Variants in CREB5 observed in about 807,000 individuals in gnomAD.
CREB5 encodes the protein cAMP responsive element binding protein 5, also known as cyclic AMP-responsive element-binding protein 5.
CREB5 carries 19 observed loss-of-function variants against 57.1 expected under a neutral mutation model. The observed-to-expected ratio is 0.33, with a 90% CI of 0.23 to 0.49. The LOEUF (loss-of-function observed/expected upper bound fraction) is 0.49, where lower values mean the gene tolerates loss of function less well. Ranked by LOEUF, CREB5 falls within the 20% of genes least tolerant of loss-of-function variation. The pLI is 0.99. For missense variants in CREB5, 579 were observed against 671.6 expected (o/e 0.86, Z 1.52); for synonymous variants, 238 against 238.3 (o/e 1.00, Z 0.01).
chr7:28,472,168 A>ACG (rs3041035), intron 1 of CREB5, among the ~76,000 whole-genome samples: 1 of 148,658 alleles, frequency 6.7e-6, no homozygotes, highest in Non-Finnish European at 1.5e-5. Flanking sequence ...AAAAAAAAAC[A>ACG]TAGTAATGAG....
intron 1 of CREB5, among the ~76,000 whole-genome samples, chr7:28,306,629 C>T (rs1056117809): frequency 4.6e-5 from 6 of 130,786 alleles, no homozygotes; most frequent in African/African-American, 1.4e-4. Context: ...GGCGGGATCT[C>T]GGCTCACTGC....
chr7:28,777,942 C>T (rs1269362047), intron 7 of CREB5, among the ~76,000 whole-genome samples: 2 of 152,126 alleles, frequency 1.3e-5, no homozygotes, highest in Non-Finnish European at 1.5e-5. Context: ...TCTATGCATA[C>T]GTATTCTTTG....
intron 1 of CREB5, among the ~76,000 whole-genome samples, chr7:28,380,707 C>T (rs1232945722): frequency 6.6e-6 from 1 of 152,114 alleles, no homozygotes; most frequent in Non-Finnish European, 1.5e-5. Flanking sequence ...GCCACAATGG[C>T]CAGGTGGGCA....
intron 5 of CREB5, among the ~76,000 whole-genome samples, chr7:28,658,953 G>GTGTATATATA (rs1400561698): frequency 5.0e-5 from 5 of 99,604 alleles, no homozygotes; most frequent in African/African-American, 1.6e-4. Context: ...GTGTGTGTGT[G>GTGTATATATA]TATATATATA....
chr7:28,598,202 G>A (rs534404834), intron 5 of CREB5, among the ~76,000 whole-genome samples: 50 of 152,254 alleles, frequency 3.3e-4, no homozygotes, highest in African/African-American at 1.1e-3. Context: ...AGTCTCACGA[G>A]ATCTGATGGG....
intron 4 of CREB5, among the ~76,000 whole-genome samples, chr7:28,512,278 G>A (rs12700890): frequency 1.3e-5 from 2 of 152,126 alleles, no homozygotes; most frequent in Admixed American, 1.3e-4. Flanking sequence ...CTTGAGATTG[G>A]GTGGAGTCAC....
chr7:28,734,906 T>G (rs1024972739), intron 7 of CREB5, among the ~76,000 whole-genome samples: 1 of 152,162 alleles, frequency 6.6e-6, no homozygotes, highest in African/African-American at 2.4e-5. Context: ...TTTGATAAAT[T>G]TCTTTACTTT....
At chr7:28,646,743 T>C (rs910812577) in intron 5 of CREB5, among the ~76,000 whole-genome samples, 1 of 152,216 alleles carries the variant, frequency 6.6e-6, no homozygotes, top group South Asian at 2.1e-4. Context: ...AATGTGTTTT[T>C]TTTAATGTTC....
chr7:28,491,136 A>G (rs1253841687), intron 2 of CREB5: 18 of 871,412 alleles, frequency 2.1e-5, no homozygotes, highest in Non-Finnish European at 2.5e-5. Context: ...AACTCTTTCA[A>G]GAGCACTAGG....
At chr7:28,561,463 G>A (rs216742) in intron 4 of CREB5, among the ~76,000 whole-genome samples, 134,753 of 152,274 alleles carry the variant, frequency 0.88, 59,699 homozygotes, top group South Asian at 0.96. Context: ...GGCTGCTAAC[G>A]TTTATTGGAC....
chr7:28,366,254 G>A (rs1354914124), intron 1 of CREB5, among the ~76,000 whole-genome samples: 2 of 152,088 alleles, frequency 1.3e-5, no homozygotes, highest in Non-Finnish European at 2.9e-5. Flanking sequence ...AACTTTTTTA[G>A]ATTTAGTTAT....
At chr7:28,759,775 G>A (rs910954653) in intron 7 of CREB5, among the ~76,000 whole-genome samples, 1 of 152,202 alleles carries the variant, frequency 6.6e-6, no homozygotes, top group Non-Finnish European at 1.5e-5. Flanking sequence ...TGCTGCCGCA[G>A]CTCTGGGCAG....
intron 5 of CREB5, among the ~76,000 whole-genome samples, chr7:28,603,440 G>T (rs1796999039): frequency 6.6e-6 from 1 of 152,150 alleles, no homozygotes; most frequent in Non-Finnish European, 1.5e-5. Context: ...AAATTGGGCA[G>T]TCACTCATCT....
intron 4 of CREB5, among the ~76,000 whole-genome samples, chr7:28,550,848 G>C (rs1046506959): frequency 6.6e-6 from 1 of 152,182 alleles, no homozygotes; most frequent in South Asian, 2.1e-4. Context: ...AAAGCCAGGG[G>C]CCGTTAAGAT....
At chr7:28,735,708 T>C (rs1452278639) in intron 7 of CREB5, among the ~76,000 whole-genome samples, 1 of 152,204 alleles carries the variant, frequency 6.6e-6, no homozygotes, top group Non-Finnish European at 1.5e-5. Context: ...CTAGAAAATA[T>C]CTACTTATCA....
At chr7:28,665,245 C>T (rs563392429) in intron 5 of CREB5, among the ~76,000 whole-genome samples, 5 of 152,096 alleles carry the variant, frequency 3.3e-5, no homozygotes, top group East Asian at 3.9e-4. Context: ...TAGGGGAGAG[C>T]GGAAACCAGT....
intron 1 of CREB5, among the ~76,000 whole-genome samples, chr7:28,333,781 T>A (rs991667654): frequency 1.3e-5 from 2 of 152,220 alleles, no homozygotes; most frequent in African/African-American, 4.8e-5. Context: ...CACATTTTTT[T>A]AATCCATTCA....
At chr7:28,457,189 C>T (rs1562729360) in intron 1 of CREB5, among the ~76,000 whole-genome samples, 1 of 152,170 alleles carries the variant, frequency 6.6e-6, no homozygotes, top group Non-Finnish European at 1.5e-5. Context: ...GGATGAAGCC[C>T]TCATGACCTA....
chr7:28,711,187 A>G (rs1309101024), intron 5 of CREB5, among the ~76,000 whole-genome samples: 3 of 152,188 alleles, frequency 2.0e-5, no homozygotes, highest in Admixed American at 2.0e-4. Flanking sequence ...TGACAGTTTT[A>G]GGACAGGAGA....
Sources: allele counts gnomAD v4.1 joint callset (sites outside exome capture counted in the v4.1 genomes callset), GRCh38; gene constraint gnomAD v4.1.1; transcripts MANE v1.5; gene names NCBI Gene and HGNC (gene_info 2026-07-23, HGNC 2026-07-21).